Variants in TMOD3 observed in about 807,000 individuals in gnomAD.
The protein encoded by TMOD3 is tropomodulin-3.
A neutral mutation model predicts 39.2 loss-of-function variants in TMOD3; 20 were observed. That is an observed-to-expected ratio of 0.51 (90% CI 0.36 to 0.74). TMOD3 has a LOEUF of 0.74. TMOD3 is among the 30% of genes least tolerant of loss of function. The pLI, the probability that TMOD3 is intolerant of heterozygous loss-of-function variation, is 0.00. For missense variants in TMOD3, 381 were observed against 412.8 expected, an observed-to-expected ratio of 0.92 and a Z score of 0.67; for synonymous variants, 143 against 145.8, an observed-to-expected ratio of 0.98 and a Z score of 0.14.
chr15:51,837,811 A>T (rs1405294207), intron 1 of TMOD3, among the ~76,000 whole-genome samples: 1 of 152,178 alleles, frequency 6.6e-6, no homozygotes, highest in East Asian at 1.9e-4. Context: ...CAAGTGATAT[A>T]GTGTGCCCTC....
At chr15:51,860,484 G>A (rs779299226) in intron 1 of TMOD3, 12 of 569,600 alleles carry the variant, frequency 2.1e-5, no homozygotes, top group Admixed American at 3.8e-5. Context: ...AAAGTGCAGT[G>A]CCCAAAGAAA....
At chr15:51,876,872 G>T (rs537180365) in intron 3 of TMOD3, among the ~76,000 whole-genome samples, 33 of 152,184 alleles carry the variant, frequency 2.2e-4, no homozygotes, top group Admixed American at 2.0e-3. Context: ...ACCAGCTTGG[G>T]CAACACAGTG....
chr15:51,902,567 T>A (rs1041271696), intron 9 of TMOD3, among the ~76,000 whole-genome samples: 17 of 151,826 alleles, frequency 1.1e-4, no homozygotes, highest in Non-Finnish European at 1.8e-4. Flanking sequence ...GCCTCCCAGG[T>A]TCAAGTGATT....
At chr15:51,866,977 A>G (rs2141687663) in intron 2 of TMOD3, among the ~76,000 whole-genome samples, 1 of 152,330 alleles carries the variant, frequency 6.6e-6, no homozygotes, top group Non-Finnish European at 1.5e-5. Context: ...TGGAGCTACA[A>G]TCTGAAAAAT....
chr15:51,897,607 C>T (rs2141705815), intron 7 of TMOD3, among the ~76,000 whole-genome samples: 1 of 150,622 alleles, frequency 6.6e-6, no homozygotes, highest in Non-Finnish European at 1.5e-5. Context: ...GCCTCAGCCT[C>T]CTGAGTAGCT....
chr15:51,903,630 A>T (rs180681484), intron 9 of TMOD3, among the ~76,000 whole-genome samples: 10 of 152,296 alleles, frequency 6.6e-5, no homozygotes, highest in Admixed American at 6.5e-4. Flanking sequence ...TGTATTGTTG[A>T]TTCCAAATGT....
chr15:51,900,634 A>C lies in TMOD3; in HGVS notation c.879+336A>C, dbSNP rs148318592. On this transcript the variant is annotated intron_variant, in intron 8 of 9. Coordinates refer to ENST00000308580, the MANE Select transcript of TMOD3 (RefSeq NM_014547.5). ...GTCCACATTGTAGGGTTTTTGTAAAAGGCAGAGAGATACATGTTAGAAATG... is the reference window on the plus strand; with the variant it reads ...GTCCACATTGTAGGGTTTTTGTAAACGGCAGAGAGATACATGTTAGAAATG... Among the ~76,000 whole-genome samples the C allele has an allele frequency of 5.6e-3, 850 of 152,338 alleles. 9 individuals are homozygous for C. The highest frequency in any genetic ancestry group is 0.02 in the African/African-American group (823 of 41,574).
chr15:51,910,017 G>A lies in TMOD3; in HGVS notation c.*1207G>A, dbSNP rs968439726. Reference sequence around the variant, plus strand: ...GTATTAAGGTGAACAATTGAATAGAGTACTGTGGTCGGGAGACTGATTTGA... The same window carrying A: ...GTATTAAGGTGAACAATTGAATAGAATACTGTGGTCGGGAGACTGATTTGA... On this transcript the variant is annotated 3_prime_UTR_variant, in exon 10 of 10. Coordinates refer to ENST00000308580, the MANE Select transcript of TMOD3 (RefSeq NM_014547.5). The A allele has an allele frequency of 6.6e-6, 1 of 152,188 alleles. No individual in the cohort carries two copies. Among genetic ancestry groups the A allele is most frequent in the Non-Finnish European group, 1.5e-5 (1 of 68,046 alleles). The allele number at this position is 152,188 out of a possible 1,614,324, so 9.4% of individuals were successfully genotyped here.
chr15:51,893,854 A>G lies in TMOD3; in HGVS notation c.536A>G (p.Glu179Gly), dbSNP rs139938664. Residue 179 changes from glutamate (E) to glycine (G), a missense_variant, in exon 6 of 10, where the codon GAG becomes GGG. By Grantham distance (98) the Glu-to-Gly change is moderately conservative. Coordinates refer to ENST00000308580, the MANE Select transcript of TMOD3 (RefSeq NM_014547.5). ...GAAAAGATTCTTCCGGTATTTGATG[A>G]GCCACCAAATCCAACCAATGTAGAA... ...KGEKILPVFD[E>G]PPNPTNVEES... is the part of the protein sequence containing the mutation. 1,385 of 1,609,160 alleles carry G rather than the reference A, an allele frequency of 8.6e-4. 2 individuals carry two copies. The highest frequency in any genetic ancestry group is 1.1e-3 in the Non-Finnish European group (1,263 of 1,176,962).
chr15:51,831,243 T>C (rs2570234), intron 1 of TMOD3, among the ~76,000 whole-genome samples: 9,408 of 152,272 alleles, frequency 0.062, 648 homozygotes, highest in African/African-American at 0.16. Flanking sequence ...ATTCCTAAAT[T>C]TTGTGGTATA....
intron 8 of TMOD3, among the ~76,000 whole-genome samples, chr15:51,901,660 TCC>T (rs1020858767): frequency 6.6e-6 from 1 of 150,500 alleles, no homozygotes; most frequent in African/African-American, 2.4e-5. Context: ...ATGGGTAAAA[TCC>T]CCTTCCTGTG....
At chr15:51,833,569 T>A (rs1266803858) in intron 1 of TMOD3, 6 of 152,244 alleles carry the variant, frequency 3.9e-5, no homozygotes, top group Non-Finnish European at 8.8e-5. Context: ...TTTCTGACAC[T>A]ACAGAGATTT....
At chr15:51,832,567 C>T (rs954251287) in intron 1 of TMOD3, among the ~76,000 whole-genome samples, 5 of 151,130 alleles carry the variant, frequency 3.3e-5, no homozygotes, top group African/African-American at 4.9e-5. Flanking sequence ...TGTGGTGGCA[C>T]GCTTCTGTGG....
At chr15:51,894,219 C>T (rs1173978981) in intron 6 of TMOD3, among the ~76,000 whole-genome samples, 2 of 152,134 alleles carry the variant, frequency 1.3e-5, no homozygotes, top group Non-Finnish European at 2.9e-5. Context: ...CTGCCCACTT[C>T]TAAGAACATT....
intron 1 of TMOD3, chr15:51,860,164 C>T (rs1010670672): frequency 6.4e-6 from 3 of 471,870 alleles, no homozygotes; most frequent in Non-Finnish European, 1.3e-5. Flanking sequence ...GCCGCATAAT[C>T]CCAAGTGAGA....
At chr15:51,898,469 G>C (rs928965938) in intron 7 of TMOD3, among the ~76,000 whole-genome samples, 1 of 151,520 alleles carries the variant, frequency 6.6e-6, no homozygotes, top group Non-Finnish European at 1.5e-5. Context: ...TTTATTATCT[G>C]TGTCCCTCCC....
At chr15:51,876,203 C>G (rs987528757) in intron 3 of TMOD3, among the ~76,000 whole-genome samples, 10 of 152,210 alleles carry the variant, frequency 6.6e-5, no homozygotes, top group African/African-American at 2.2e-4. Context: ...GGGTCTTGCT[C>G]TGTTGTCCAG....
At chr15:51,902,150 C>A in intron 9 of TMOD3, 114 bp downstream of exon 9, 2 of 1,252,042 alleles carry the variant, frequency 1.6e-6, no homozygotes, top group African/African-American at 1.5e-5. Flanking sequence ...GCCTTTGTTT[C>A]TAAAATCTGC....
intron 9 of TMOD3, among the ~76,000 whole-genome samples, chr15:51,902,857 T>A (rs1159042768): frequency 6.6e-6 from 1 of 152,016 alleles, no homozygotes; most frequent in African/African-American, 2.4e-5. Flanking sequence ...TTCACCGTGT[T>A]AGCCAGGATG....
Sources: gnomAD v4.1 joint callset for allele counts (sites outside exome capture counted in the v4.1 genomes callset) on GRCh38, gnomAD v4.1.1 for gene constraint, MANE v1.5 for transcripts, NCBI Gene and HGNC (gene_info 2026-07-23, HGNC 2026-07-21) for gene names.